The following LIPI variants were observed in gnomAD, a reference collection of about 807,000 sequenced individuals.
The protein encoded by LIPI is lipase member I.
A neutral mutation model predicts 50.6 loss-of-function variants in LIPI; 59 were observed. That is an observed-to-expected ratio of 1.16 (90% CI 0.94 to 1.45). The LOEUF is 1.45. Among genes scored for constraint, LIPI ranks in the 40% most tolerant of loss-of-function variants. The pLI, the probability that LIPI is intolerant of heterozygous loss-of-function variation, is 0.00. For synonymous variants in LIPI, 203 were observed against 178.2 expected, an observed-to-expected ratio of 1.14 and a Z score of -1.11; for missense variants, 586 against 536.3, an observed-to-expected ratio of 1.09 and a Z score of -0.92.
chr21:14,177,305 A>G (rs1309932093), intron 4 of LIPI, among the ~76,000 whole-genome samples: 1 of 151,980 alleles, frequency 6.6e-6, no homozygotes, highest in East Asian at 1.9e-4. Flanking sequence ...TCACCCTTCT[A>G]CTTTCAAATA....
At chr21:14,119,405 G>C (rs1247034111) in intron 9 of LIPI, among the ~76,000 whole-genome samples, 6 of 152,196 alleles carry the variant, frequency 3.9e-5, no homozygotes, top group Admixed American at 1.3e-4. Context: ...CAGTATCTTG[G>C]CTTTTACATC....
chr21:14,192,885 T>C (rs865944355), intron 1 of LIPI, among the ~76,000 whole-genome samples: 2 of 152,152 alleles, frequency 1.3e-5, no homozygotes, highest in African/African-American at 2.4e-5. Flanking sequence ...TAAAAGAAAG[T>C]ACACTAGACA....
chr21:14,205,200 T>C (rs1341730786), intron 1 of LIPI, among the ~76,000 whole-genome samples: 1 of 151,892 alleles, frequency 6.6e-6, no homozygotes, highest in Non-Finnish European at 1.5e-5. Context: ...TTTTTACCTT[T>C]ATACTCATTG....
chr21:14,141,049 A>G (rs1401195087), intron 9 of LIPI, among the ~76,000 whole-genome samples: 1 of 152,176 alleles, frequency 6.6e-6, no homozygotes, highest in East Asian at 1.9e-4. Context: ...TCAAAGTTTT[A>G]AAATAAAATT....
intron 9 of LIPI, among the ~76,000 whole-genome samples, chr21:14,139,942 T>C (rs774978810): frequency 6.6e-6 from 1 of 152,054 alleles, no homozygotes; most frequent in Non-Finnish European, 1.5e-5. Context: ...GGCGTTGAAA[T>C]TGGGAGGTAT....
intron 4 of LIPI, among the ~76,000 whole-genome samples, chr21:14,175,542 T>C (rs1434223502): frequency 2.6e-5 from 4 of 152,192 alleles, no homozygotes; most frequent in African/African-American, 9.6e-5. Context: ...TCAATTTTTA[T>C]ATAATCTGAC....
intron 9 of LIPI, among the ~76,000 whole-genome samples, chr21:14,128,288 A>C (rs1443440031): frequency 1.3e-5 from 2 of 152,110 alleles, no homozygotes; most frequent in Non-Finnish European, 2.9e-5. Context: ...AATGGGAATA[A>C]TTGACTATAT....
chr21:14,201,785 A>G (rs994036210), intron 1 of LIPI, among the ~76,000 whole-genome samples: 4 of 152,230 alleles, frequency 2.6e-5, no homozygotes, highest in East Asian at 3.8e-4. Context: ...CAAGACAGGG[A>G]TGCCCTCTCT....
At chr21:14,183,556 A>G (rs2019348386) in intron 3 of LIPI, among the ~76,000 whole-genome samples, 1 of 152,214 alleles carries the variant, frequency 6.6e-6, no homozygotes, top group Non-Finnish European at 1.5e-5. Flanking sequence ...GAATGGGAGA[A>G]AATTTTTGCA....
In LIPI at chr21:14,183,530, G is replaced by C. The variant is rs1473561099; in HGVS notation, c.542-1671C>G. ...CAGCAAAAGAAACTACCATCAGAGTGAACAGGCAACCTATAGAATGGGAGA... is the reference window on the plus strand; with the variant it reads ...CAGCAAAAGAAACTACCATCAGAGTCAACAGGCAACCTATAGAATGGGAGA... On this transcript the variant is annotated intron_variant, in intron 3 of 9. Transcript: ENST00000681601. 6.6e-5 allele frequency among the ~76,000 whole-genome samples: 10 copies of C among 152,274 alleles called. 1 individual carries two copies. Among genetic ancestry groups the C allele is most frequent in the African/African-American group, 2.4e-4 (10 of 41,562 alleles).
At chr21:14,151,143 T>C (rs1056788194) in intron 8 of LIPI, among the ~76,000 whole-genome samples, 1 of 152,206 alleles carries the variant, frequency 6.6e-6, no homozygotes, top group Non-Finnish European at 1.5e-5. Context: ...GGTGAACTTA[T>C]CATTATTTTC....
chr21:14,170,323 C>T (rs2018848599), intron 4 of LIPI, among the ~76,000 whole-genome samples: 3 of 152,156 alleles, frequency 2.0e-5, no homozygotes, highest in African/African-American at 7.2e-5. Context: ...GAAACTATTC[C>T]AATCAATAGA....
At chr21:14,162,521 T>C (rs2018533735) in intron 7 of LIPI, among the ~76,000 whole-genome samples, 1 of 151,894 alleles carries the variant, frequency 6.6e-6, no homozygotes. Context: ...ATCCTGCTAC[T>C]ACTCTATGGC....
rs2018617865 is a variant in LIPI, at chr21:14,164,802, C to T, written c.901+421G>A. Among the ~76,000 whole-genome samples the T allele has an allele frequency of 2.0e-5, 3 of 152,096 alleles. No homozygotes were observed. The South Asian group carries it at 6.2e-4, about 31-fold the overall frequency. On this transcript the variant is annotated intron_variant, in intron 6 of 9. Coordinates refer to ENST00000681601, the MANE Select transcript of LIPI (RefSeq NM_001302998.2). ...ATGTTTCATGTCTACTTGGTGATAG[C>T]AAATGAGAAGCTAACCATGGCTCAC...
At chr21:14,175,246 A>T (rs1471937143) in intron 4 of LIPI, among the ~76,000 whole-genome samples, 1 of 152,210 alleles carries the variant, frequency 6.6e-6, no homozygotes, top group Non-Finnish European at 1.5e-5. Flanking sequence ...TTAATAAATA[A>T]TGCTGAATAG....
intron 9 of LIPI, among the ~76,000 whole-genome samples, chr21:14,129,799 T>TTTG (rs2017214007): frequency 2.4e-5 from 2 of 82,000 alleles, no homozygotes; most frequent in African/African-American, 7.8e-5. Flanking sequence ...ACTCTAATTG[T>TTTG]TTTTTTTTTT....
chr21:14,145,310 T>C (rs894992553), intron 8 of LIPI, among the ~76,000 whole-genome samples: 1 of 152,222 alleles, frequency 6.6e-6, no homozygotes, highest in African/African-American at 2.4e-5. Flanking sequence ...CTCATTTAAC[T>C]ACCTGAAAAA....
chr21:14,109,914 T>G (rs2016335407), intron 9 of LIPI, among the ~76,000 whole-genome samples: 1 of 151,820 alleles, frequency 6.6e-6, no homozygotes, highest in African/African-American at 2.4e-5. Flanking sequence ...TTTTATCTTA[T>G]GTTTAATAGT....
intron 1 of LIPI, among the ~76,000 whole-genome samples, chr21:14,189,811 A>G (rs980779768): frequency 6.6e-6 from 1 of 152,098 alleles, no homozygotes; most frequent in Non-Finnish European, 1.5e-5. Flanking sequence ...AGCATAAAAT[A>G]TATTTAACTT....
Sources: gnomAD v4.1 joint callset for allele counts (sites outside exome capture counted in the v4.1 genomes callset) on GRCh38, gnomAD v4.1.1 for gene constraint, MANE v1.5 for transcripts, NCBI Gene and HGNC (gene_info 2026-07-23, HGNC 2026-07-21) for gene names.